CBLN2: variants seen among roughly 807,000 people sequenced by gnomAD.
The protein encoded by CBLN2 is cerebellin-2.
In CBLN2, 7 loss-of-function variants were observed where a neutral mutation model predicts 15.0. The ratio of observed to expected loss-of-function variants is 0.47; its 90% CI spans 0.27 to 0.88. The LOEUF (loss-of-function observed/expected upper bound fraction) is 0.88, where lower values mean the gene tolerates loss of function less well. CBLN2 is among the 40% of genes least tolerant of loss of function. CBLN2 has a pLI of 0.14. For missense variants in CBLN2, 242 were observed against 304.5 expected (o/e 0.79, Z 1.53); for synonymous variants, 149 against 135.2 (o/e 1.10, Z -0.71).
At position 72,543,696 on chromosome 18, in the gene CBLN2, C is replaced by T. The variant is rs755604821; in HGVS notation, c.-211-166G>A. Reference sequence around the variant, plus strand: ...CACGCCCCGCGCGCCCGCTTAGGCGCCGCGCCCGGGACCGGGAACCCCGCG... The same window carrying T: ...CACGCCCCGCGCGCCCGCTTAGGCGTCGCGCCCGGGACCGGGAACCCCGCG... On this transcript the variant is annotated intron_variant, in intron 1 of 4. Transcript: ENST00000269503. The surrounding 1 kb of genome is among the most constrained non-coding windows in gnomAD (Gnocchi z 6.8). The T allele has an allele frequency of 2.9e-6, 1 of 349,450 alleles. No homozygotes were observed. Among genetic ancestry groups the T allele is most frequent in the Non-Finnish European group, 5.1e-6 (1 of 194,660 alleles). 21.6% of individuals were successfully genotyped at this position (349,450 alleles called of 1,614,324 possible).
intron 1 of CBLN2, among the ~76,000 whole-genome samples, chr18:72,604,062 G>A (rs2144946075): frequency 6.6e-6 from 1 of 152,300 alleles, no homozygotes; most frequent in South Asian, 2.1e-4. Flanking sequence ...TGAGGGTGGG[G>A]TCTAGGAGAC....
At chr18:72,596,659 T>C (rs538708819) in intron 1 of CBLN2, among the ~76,000 whole-genome samples, 1 of 152,350 alleles carries the variant, frequency 6.6e-6, no homozygotes, top group South Asian at 2.1e-4. Context: ...TTATTTCTTC[T>C]TGTGTTTGAA....
At chr18:72,549,906 G>C (rs906751299) in intron 1 of CBLN2, among the ~76,000 whole-genome samples, 4 of 149,758 alleles carry the variant, frequency 2.7e-5, no homozygotes, top group African/African-American at 7.3e-5. Flanking sequence ...ACGTGTTTTT[G>C]TGAAAAAAAT....
chr18:72,548,699 T>C (rs2144878829), upstream of CBLN2, among the ~76,000 whole-genome samples: 1 of 152,320 alleles, frequency 6.6e-6, no homozygotes, highest in Non-Finnish European at 1.5e-5. Context: ...TGCAGCCTGG[T>C]CATTTGAGCA....
chr18:72,561,243 C>CAAAA (rs33954304), intron 1 of CBLN2, among the ~76,000 whole-genome samples: 2 of 125,000 alleles, frequency 1.6e-5, no homozygotes, highest in Non-Finnish European at 1.6e-5. Flanking sequence ...AACAACAACC[C>CAAAA]AAAAAAAAAA....
At chr18:72,625,981 T>C (rs1332510409) in intron 1 of CBLN2, among the ~76,000 whole-genome samples, 3 of 151,558 alleles carry the variant, frequency 2.0e-5, no homozygotes, top group African/African-American at 7.3e-5. Context: ...ATTTTCAGTG[T>C]CCATTTCCGG....
In CBLN2 at chr18:72,557,616, G is replaced by A. The variant is rs142423256; in HGVS notation, c.16-18844C>T. 1.9e-3 allele frequency among the ~76,000 whole-genome samples: 292 copies of A among 152,292 alleles called. 1 individual carries two copies. Among genetic ancestry groups the A allele is most frequent in the African/African-American group, 6.8e-3 (281 of 41,556 alleles). ...CACGTCCTTTGAAAGCACATGGGTG[G>A]AGCTAGAAGCCATTATCCTCAGCAA... On this transcript the variant is annotated intron_variant, in intron 1 of 2. Coordinates refer to the CBLN2 transcript ENST00000581073.
intron 1 of CBLN2, among the ~76,000 whole-genome samples, chr18:72,627,191 A>G (rs978185746): frequency 2.6e-5 from 4 of 152,232 alleles, no homozygotes; most frequent in African/African-American, 9.6e-5. Context: ...GACACAAACT[A>G]AAATTTACCC....
intron 1 of CBLN2, among the ~76,000 whole-genome samples, chr18:72,601,955 C>T (rs603593): frequency 0.16 from 25,025 of 152,186 alleles, 2,283 homozygotes; most frequent in Admixed American, 0.29. Flanking sequence ...AGCCAGTTTA[C>T]AGCCCCTCAG....
chr18:72,589,174 C>T (rs1380836297), intron 1 of CBLN2, among the ~76,000 whole-genome samples: 1 of 152,010 alleles, frequency 6.6e-6, no homozygotes, highest in Non-Finnish European at 1.5e-5. Context: ...ACGGCAGCCA[C>T]AGAAACAGAG....
chr18:72,564,655 A>G (rs2069282701), intron 1 of CBLN2, among the ~76,000 whole-genome samples: 1 of 152,246 alleles, frequency 6.6e-6, no homozygotes, highest in Non-Finnish European at 1.5e-5. Flanking sequence ...TATTTATGAG[A>G]TACCATTATG....
chr18:72,581,179 C>A (rs2069401141), intron 1 of CBLN2, among the ~76,000 whole-genome samples: 1 of 152,176 alleles, frequency 6.6e-6, no homozygotes, highest in Non-Finnish European at 1.5e-5. Flanking sequence ...ATCTCTTTTC[C>A]CTTCACAGCA....
intron 1 of CBLN2, among the ~76,000 whole-genome samples, chr18:72,629,622 AT>A (rs1307614504): frequency 6.6e-6 from 1 of 152,096 alleles, no homozygotes; most frequent in African/African-American, 2.4e-5. Context: ...TATTGACTGA[AT>A]TTATTGCTAA....
intron 1 of CBLN2, chr18:72,618,895 G>A: frequency 2.7e-6 from 2 of 728,400 alleles, no homozygotes; most frequent in Admixed American, 1.7e-5. Context: ...AGGTGGCTTT[G>A]GTGGGAATGA....
At chr18:72,545,275 T>C (rs914988388), upstream of CBLN2, among the ~76,000 whole-genome samples, 6 of 152,224 alleles carry the variant, frequency 3.9e-5, no homozygotes, top group Non-Finnish European at 7.3e-5. Flanking sequence ...CAGAAAGTCA[T>C]TGCACACTGC....
At chr18:72,590,642 T>C (rs1400522114) in intron 1 of CBLN2, among the ~76,000 whole-genome samples, 1 of 152,238 alleles carries the variant, frequency 6.6e-6, no homozygotes, top group African/African-American at 2.4e-5. Context: ...TACAGATTTT[T>C]ATCTTGGACT....
intron 3 of CBLN2, chr18:72,539,047 T>G (rs1244070710): frequency 2.8e-6 from 1 of 362,890 alleles, no homozygotes; most frequent in African/African-American, 2.0e-5. Context: ...GGCTGTGAAT[T>G]TTGTAAGTTG....
intron 1 of CBLN2, among the ~76,000 whole-genome samples, chr18:72,564,040 C>T (rs1459322484): frequency 6.6e-6 from 1 of 152,166 alleles, no homozygotes; most frequent in African/African-American, 2.4e-5. Context: ...TAAAACGTAC[C>T]TGCAGGTGGA....
intron 1 of CBLN2, among the ~76,000 whole-genome samples, chr18:72,622,201 C>T (rs1181960430): frequency 6.6e-5 from 10 of 152,036 alleles, no homozygotes; most frequent in Admixed American, 2.0e-4. Flanking sequence ...TTCTTATTTT[C>T]GTAGCAATAT....
Sources: allele counts gnomAD v4.1 joint callset (sites outside exome capture counted in the v4.1 genomes callset), GRCh38; gene constraint gnomAD v4.1.1; non-coding constraint Gnocchi (gnomAD v3.1); transcripts MANE v1.5; gene names NCBI Gene and HGNC (gene_info 2026-07-23, HGNC 2026-07-21).